AGMAT: variants seen among roughly 807,000 people sequenced by gnomAD.
The protein encoded by AGMAT is guanidino acid hydrolase, mitochondrial.
A neutral mutation model predicts 29.3 loss-of-function variants in AGMAT; 37 were observed. The ratio of observed to expected loss-of-function variants is 1.26; its 90% CI spans 0.97 to 1.66. The LOEUF (loss-of-function observed/expected upper bound fraction) is 1.66. Among genes scored for constraint, AGMAT ranks in the 40% most tolerant of loss-of-function variants. AGMAT has a pLI of 0.00. For synonymous variants in AGMAT, 199 were observed against 200.8 expected (o/e 0.99, Z 0.08); for missense variants, 498 against 497.8 (o/e 1.00, Z 0.00).
At position 15,577,964 on chromosome 1, in the gene AGMAT, C is replaced by T. The variant is rs2103437585; in HGVS notation, c.721-100G>A. 3.5e-6 allele frequency: 4 copies of T among 1,132,530 alleles called. No individual in the cohort carries two copies. The South Asian group carries it at 4.9e-5, about 14-fold the overall frequency. 70.2% of individuals were successfully genotyped at this position (1,132,530 alleles called of 1,614,324 possible). On this transcript the variant is annotated intron_variant, in intron 4 of 6. Transcript: ENST00000375826. ...GCTCTGTGTGCACATGACACTTGAC[C>T]CTCCATCTCCATGAAGAGGGAACTA...
rs1638989839 is a variant in AGMAT, at chr1:15,573,521, A to G, written c.*130T>C. ...ATTCTACTGATTATCCCGACTTCACAGCCAGCAATGACACTTTCAGCAGAA... is the reference window on the plus strand; with the variant it reads ...ATTCTACTGATTATCCCGACTTCACGGCCAGCAATGACACTTTCAGCAGAA... On this transcript the variant is annotated 3_prime_UTR_variant, in exon 7 of 7. Transcript: ENST00000375826. 1.3e-6 allele frequency: 1 copy of G among 755,148 alleles called. No homozygotes were observed. Among genetic ancestry groups the G allele is most frequent in the Admixed American group, 2.4e-5 (1 of 41,296 alleles). The allele number at this position is 755,148 out of a possible 1,614,324, so 46.8% of individuals were successfully genotyped here. A position where few individuals can be genotyped will look rare whatever the true frequency, so the allele number is the denominator to read the frequency against.
At position 15,583,413 on chromosome 1, in the gene AGMAT, A is replaced by G. The variant is rs766459546; in HGVS notation, c.273-18T>C. Reference sequence around the variant, plus strand: ...GTCCGAATCTGCAGAAGGAAGAATCATCCTGTCAGCCATCATCTGCAGAGA... The same window carrying G: ...GTCCGAATCTGCAGAAGGAAGAATCGTCCTGTCAGCCATCATCTGCAGAGA... On this transcript the variant is annotated intron_variant, in intron 1 of 6. Coordinates refer to ENST00000375826, the MANE Select transcript of AGMAT (RefSeq NM_024758.5). 1.9e-5 allele frequency: 30 copies of G among 1,602,388 alleles called. No individual in the cohort carries two copies. The highest frequency in any genetic ancestry group is 2.5e-5 in the Non-Finnish European group (29 of 1,174,348).
At chr1:15,579,165 T>G in intron 3 of AGMAT, 111 bp from the exon 4 acceptor site, 2 of 1,032,906 alleles carry the variant, frequency 1.9e-6, no homozygotes, top group Non-Finnish European at 2.8e-6. Context: ...AGGGGAGACC[T>G]GGCATCCGTT....
At chr1:15,581,237 A>G (rs1190979615) in intron 2 of AGMAT, among the ~76,000 whole-genome samples, 4 of 151,692 alleles carry the variant, frequency 2.6e-5, no homozygotes, top group Non-Finnish European at 4.4e-5. Flanking sequence ...AGACCCAGCT[A>G]CTCGGGAGGC....
At chr1:15,582,141 C>T (rs763940024) in intron 2 of AGMAT, among the ~76,000 whole-genome samples, 32 of 142,886 alleles carry the variant, frequency 2.2e-4, no homozygotes, top group Non-Finnish European at 4.4e-4. Context: ...TGCTGGCGGG[C>T]GCCTATAATC....
chr1:15,583,502 T>C, intron 1 of AGMAT, 107 bp from the exon 2 acceptor site: 1 of 1,077,676 alleles, frequency 9.3e-7, no homozygotes, highest in Non-Finnish European at 1.3e-6. Flanking sequence ...TGATTCCGTG[T>C]CGCGGCATTG....
In AGMAT at chr1:15,572,788, GCA is replaced by G. The variant is rs1638975783; in HGVS notation, c.*861_*862del. 1 of 150,784 alleles carries G rather than the reference GCA, an allele frequency of 6.6e-6. No homozygotes were observed. Among genetic ancestry groups the G allele is most frequent in the African/African-American group, 2.4e-5 (1 of 40,864 alleles). 9.3% of individuals were successfully genotyped at this position (150,784 alleles called of 1,614,324 possible). A position where few individuals can be genotyped will look rare whatever the true frequency, so the allele number is the denominator to read the frequency against. ...TTCACAGTGGTCCTAAAACCAAGAT[GCA>G]GCCCTAAGCACCTCATAGGAGAAGC... On this transcript the variant is annotated 3_prime_UTR_variant, in exon 7 of 7. Transcript: ENST00000375826.
intron 1 of AGMAT, 94 bp from the exon 2 acceptor site, chr1:15,583,489 AG>A: frequency 8.2e-7 from 1 of 1,217,896 alleles, no homozygotes; most frequent in Non-Finnish European, 1.2e-6. Context: ...ATTTGGGGCC[AG>A]ATGATTCCGT....
At position 15,578,959 on chromosome 1, in the gene AGMAT, C is replaced by G. The variant is rs201546181; in HGVS notation, c.620G>C (p.Arg207Pro). Reference sequence around the variant, plus strand: ...GTCCAGGAGACCCTCATCCACACACCGGCGGAAGGGCGCCCCGTGGTAGAG... The same window carrying G: ...GTCCAGGAGACCCTCATCCACACACGGGCGGAAGGGCGCCCCGTGGTAGAG... ...EKLYHGAPFR[R>P]CVDEGLLDCK... The change falls in exon 4 of 7, where the codon CGG (arginine) becomes CCG (proline). Residue 207 changes from arginine to proline, a missense_variant. Arg to Pro is a moderately radical substitution (Grantham distance 103). Transcript: ENST00000375826. The G allele has an allele frequency of 1.2e-6, 2 of 1,614,054 alleles. No homozygotes were observed. The highest frequency in any genetic ancestry group is 1.7e-6 in the Non-Finnish European group (2 of 1,180,030).
chr1:15,583,110 G>C, intron 2 of AGMAT, 83 bp downstream of exon 2: 1 of 1,271,326 alleles, frequency 7.9e-7, no homozygotes, highest in Non-Finnish European at 1.1e-6. Context: ...CAGGGGAGAA[G>C]TAGCTGTACT....
At position 15,583,242 on chromosome 1, in the gene AGMAT, T is replaced by C. The variant is rs1639140573; in HGVS notation, c.426A>G (p.Gln142=). ...CTGCTACAATTTTCTCATAGGCCTC[T>C]TGAATTCGCCGGCAGCTGTCCTGAA... is the stretch of plus-strand genomic sequence containing the variant. ...YNLQDSCRRI[Q]EAYEKIVAAG... Residue 142 remains glutamine, a synonymous_variant, in exon 2 of 7, where the codon CAA becomes CAG. Transcript: ENST00000375826. The C allele has an allele frequency of 6.2e-7, 1 of 1,614,114 alleles. No homozygotes were observed. The highest frequency in any genetic ancestry group is 1.7e-5 in the Admixed American group (1 of 59,998).
chr1:15,580,843 C>T (rs901180584), intron 2 of AGMAT, among the ~76,000 whole-genome samples: 4 of 151,644 alleles, frequency 2.6e-5, no homozygotes, highest in African/African-American at 7.3e-5. Flanking sequence ...GGCATGGTAG[C>T]GCATGCCTGT....
intron 2 of AGMAT, among the ~76,000 whole-genome samples, chr1:15,581,527 T>C (rs1000558085): frequency 2.0e-5 from 3 of 150,592 alleles, no homozygotes; most frequent in Non-Finnish European, 3.0e-5. Flanking sequence ...GTGACACACA[T>C]GTGACATACA....
chr1:15,575,064 G>A, intron 5 of AGMAT: 1 of 451,688 alleles, frequency 2.2e-6, no homozygotes, highest in Non-Finnish European at 4.1e-6. Context: ...TGGAGACAAG[G>A]AAACCAATCG....
Position 15,573,502 on chromosome 1 carries a change from C to G in AGMAT, c.*149G>C. The G allele has an allele frequency of 1.6e-6, 1 of 637,386 alleles. No homozygotes were observed. The highest frequency in any genetic ancestry group is 2.8e-6 in the Non-Finnish European group (1 of 363,060). 39.5% of individuals were successfully genotyped at this position (637,386 alleles called of 1,614,324 possible). A position where few individuals can be genotyped will look rare whatever the true frequency, so the allele number is the denominator to read the frequency against. ...TGTTGCTGTTTGGGTGAGAATTCTA[C>G]TGATTATCCCGACTTCACAGCCAGC... is the stretch of plus-strand genomic sequence containing the variant. On this transcript the variant is annotated 3_prime_UTR_variant, in exon 7 of 7. Transcript: ENST00000375826.
intron 3 of AGMAT, among the ~76,000 whole-genome samples, chr1:15,579,584 C>T (rs927088655): frequency 6.6e-6 from 1 of 152,228 alleles, no homozygotes; most frequent in Non-Finnish European, 1.5e-5. Context: ...GAGCTGCCAC[C>T]CTCCACCCGG....
intron 2 of AGMAT, among the ~76,000 whole-genome samples, chr1:15,581,456 C>T (rs991293249): frequency 6.6e-6 from 1 of 152,160 alleles, no homozygotes; most frequent in African/African-American, 2.4e-5. Context: ...TTCAATAGAA[C>T]CTTCTATGAT....
rs549405171 is a variant in AGMAT at position 15,573,512 on chromosome 1, C to T, written c.*139G>A. ...TGGGTGAGAATTCTACTGATTATCC[C>T]GACTTCACAGCCAGCAATGACACTT... On this transcript the variant is annotated 3_prime_UTR_variant, in exon 7 of 7. Transcript: ENST00000375826. The T allele has an allele frequency of 2.9e-5, 20 of 701,258 alleles. 1 individual carries two copies. The highest frequency in any genetic ancestry group is 2.6e-4 in the South Asian group (14 of 52,900). 43.4% of individuals were successfully genotyped at this position (701,258 alleles called of 1,614,324 possible).
At chr1:15,583,508 C>T (rs6429759) in intron 1 of AGMAT, 113 bp from the exon 2 acceptor site, 532,648 of 980,710 alleles carry the variant, frequency 0.54, 149,949 homozygotes, top group African/African-American at 0.79. Context: ...CGTGTCGCGG[C>T]ATTGCATAAT....
Sources: allele counts gnomAD v4.1 joint callset (sites outside exome capture counted in the v4.1 genomes callset), GRCh38; gene constraint gnomAD v4.1.1; transcripts MANE v1.5; gene names NCBI Gene and HGNC (gene_info 2026-07-23, HGNC 2026-07-21).